DST: variants seen among roughly 807,000 people sequenced by gnomAD.
DST encodes the protein dystonin, also known as bullous pemphigoid antigen.
DST carries 253 observed loss-of-function variants against 875.2 expected under a neutral mutation model. The observed-to-expected ratio is 0.29, with a 90% CI of 0.26 to 0.32. The LOEUF (loss-of-function observed/expected upper bound fraction) is 0.32, where lower values mean the gene tolerates loss of function less well. Ranked by LOEUF, DST falls within the 10% of genes least tolerant of loss-of-function variation. DST has a pLI of 1.00. For missense variants in DST, 8,287 were observed against 9,111.6 expected (o/e 0.91, Z 3.68); for synonymous variants, 3,124 against 3,197.1 (o/e 0.98, Z 0.77).
intron 93 of DST, 108 bp downstream of exon 93, chr6:56,473,765 A>G: frequency 1.0e-6 from 1 of 992,550 alleles, no homozygotes; most frequent in Admixed American, 2.5e-5. Context: ...CATGATATCA[A>G]GTGCTCATGT....
chr6:56,670,315 GC>G (rs1328944344), intron 10 of DST, among the ~76,000 whole-genome samples: 1 of 152,046 alleles, frequency 6.6e-6, no homozygotes, highest in African/African-American at 2.4e-5. Flanking sequence ...CGCAGCCTTG[GC>G]CTCCGGAGTA....
In DST at chr6:56,517,525, A is replaced by T; in HGVS notation, c.18225T>A (p.Thr6075=). Residue 6075 remains threonine (T), a synonymous_variant, in exon 70 of 104, where the codon ACT becomes ACA. Transcript: ENST00000680361. The stretch of plus-strand genomic sequence containing the variant: ...CCTTTTGAACTTGAAGCTGAGCAGA[A>T]GTCTGGTCTTGCTCAAGCCTGATGT... ...LGDIRLEQDQ[T]SAQLQVQKTF... 1 of 1,612,988 alleles carries T rather than the reference A, an allele frequency of 6.2e-7. No homozygotes were observed. Among genetic ancestry groups the T allele is most frequent in the Non-Finnish European group, 8.5e-7 (1 of 1,179,516 alleles).
chr6:56,660,360 G>A (rs2099032699), intron 10 of DST, among the ~76,000 whole-genome samples: 2 of 152,078 alleles, frequency 1.3e-5, no homozygotes, highest in African/African-American at 4.8e-5. Flanking sequence ...ACAAAAACAA[G>A]CCTCACTCCA....
intron 7 of DST, 58 bp downstream of exon 7, chr6:56,703,590 G>A (rs1440795526): frequency 3.0e-6 from 2 of 663,104 alleles, no homozygotes; most frequent in East Asian, 2.7e-4. Context: ...TCTCTATCAG[G>A]TTAGCGCTCA....
chr6:56,583,871 T>C (rs956475155), intron 49 of DST, among the ~76,000 whole-genome samples: 11 of 152,206 alleles, frequency 7.2e-5, no homozygotes, highest in African/African-American at 2.4e-4. Context: ...CCCCATTGCT[T>C]TTGTCAGGTT....
chr6:56,667,846 T>G (rs981476449), intron 10 of DST, among the ~76,000 whole-genome samples: 1 of 145,524 alleles, frequency 6.9e-6, no homozygotes, highest in Non-Finnish European at 1.5e-5. Context: ...CACACACACA[T>G]ACACCAATTT....
In DST at chr6:56,639,720, T is replaced by C. The variant is rs2098869381; in HGVS notation, c.2673A>G (p.Leu891=). The C allele has an allele frequency of 1.2e-6, 2 of 1,613,694 alleles. No individual in the cohort carries two copies. The highest frequency in any genetic ancestry group is 1.3e-5 in the African/African-American group (1 of 74,902). The change falls in exon 20 of 104, where the codon TTA becomes TTG. Residue 891 remains leucine (L), a synonymous_variant. Transcript: ENST00000680361. ...KLTYAEKLHR[L]ESQYAKLLNT... ...CCAAGAGTTTTGCATACTGACTCTC[T>C]AATCTGTGCAACTTTTCTGCATAAG... is the stretch of plus-strand genomic sequence containing the variant.
chr6:56,655,923 GGCA>G (rs1164489599), intron 10 of DST, among the ~76,000 whole-genome samples: 1 of 152,222 alleles, frequency 6.6e-6, no homozygotes, highest in Non-Finnish European at 1.5e-5. Flanking sequence ...GCTTCCTGAA[GGCA>G]GAGCCTGTGT....
In DST at chr6:56,924,281, C is replaced by T. The variant is rs58484831; in HGVS notation, c.217-23660G>A. On this transcript the variant is annotated intron_variant, in intron 2 of 103. Coordinates refer to ENST00000680361, the MANE Select transcript of DST (RefSeq NM_001374736.1). ...CCATCATGGCCATGATATCACTGAA[C>T]GCAGAGTTGGAACGATAAACATAAA... 9.4e-3 allele frequency among the ~76,000 whole-genome samples: 1,430 copies of T among 152,252 alleles called. 26 individuals are homozygous for T. Among genetic ancestry groups the T allele is most frequent in the African/African-American group, 0.032 (1,329 of 41,532 alleles).
At chr6:56,906,933 T>C (rs1375979864) in intron 2 of DST, among the ~76,000 whole-genome samples, 2 of 152,226 alleles carry the variant, frequency 1.3e-5, no homozygotes, top group Admixed American at 6.5e-5. Flanking sequence ...ACTGTAGCTT[T>C]TATTTGCATT....
At chr6:56,512,837 T>C (rs1313533128) in intron 72 of DST, among the ~76,000 whole-genome samples, 1 of 152,196 alleles carries the variant, frequency 6.6e-6, no homozygotes, top group African/African-American at 2.4e-5. Context: ...GAATTCAATT[T>C]TAAAAGAAGG....
intron 2 of DST, among the ~76,000 whole-genome samples, chr6:56,928,385 A>T (rs1303220416): frequency 6.6e-6 from 1 of 152,094 alleles, no homozygotes; most frequent in Non-Finnish European, 1.5e-5. Flanking sequence ...CCCAGCCCCA[A>T]CACCAGAGAG....
At chr6:56,927,746 C>T (rs2127754438) in intron 2 of DST, among the ~76,000 whole-genome samples, 1 of 152,222 alleles carries the variant, frequency 6.6e-6, no homozygotes, top group South Asian at 2.1e-4. Flanking sequence ...ATGCATGAGT[C>T]ATTCAGGATT....
intron 103 of DST, 89 bp from the exon 104 acceptor site, chr6:56,459,356 C>CT (rs1164281296): frequency 1.0e-5 from 14 of 1,392,992 alleles, no homozygotes; most frequent in Non-Finnish European, 1.2e-5. Flanking sequence ...TTAATCTTAA[C>CT]TTTTTTTCCT....
intron 9 of DST, among the ~76,000 whole-genome samples, chr6:56,684,346 A>G (rs887770036): frequency 6.6e-6 from 1 of 152,246 alleles, no homozygotes; most frequent in Non-Finnish European, 1.5e-5. Flanking sequence ...TTAAAGTGTT[A>G]TCAAATAATC....
chr6:56,689,228 C>A (rs1326951369), intron 9 of DST, among the ~76,000 whole-genome samples: 3 of 152,090 alleles, frequency 2.0e-5, no homozygotes, highest in East Asian at 3.9e-4. Flanking sequence ...GCAGTAGAAT[C>A]ATGATCTAGT....
At chr6:56,865,956 A>C (rs150374250) in intron 3 of DST, among the ~76,000 whole-genome samples, 244 of 151,806 alleles carry the variant, frequency 1.6e-3, no homozygotes, top group African/African-American at 5.7e-3. Context: ...CATTCAATAA[A>C]TTAGAGCTAT....
At chr6:56,561,723 C>T (rs1391201629) in intron 56 of DST, among the ~76,000 whole-genome samples, 174 bp from the exon 57 acceptor site, 2 of 152,038 alleles carry the variant, frequency 1.3e-5, no homozygotes, top group African/African-American at 4.8e-5. Context: ...TCTTATAATG[C>T]TATTTAGTCA....
chr6:56,824,768 G>C (rs943054441), intron 4 of DST, among the ~76,000 whole-genome samples: 11 of 151,554 alleles, frequency 7.3e-5, no homozygotes, highest in East Asian at 3.9e-4. Context: ...CCCTCCGCCC[G>C]GCAGCTGCCC....
Sources: allele counts gnomAD v4.1 joint callset (sites outside exome capture counted in the v4.1 genomes callset), GRCh38; gene constraint gnomAD v4.1.1; transcripts MANE v1.5; gene names NCBI Gene and HGNC (gene_info 2026-07-23, HGNC 2026-07-21).